The following CTSS variants were observed in gnomAD, a reference collection of about 807,000 sequenced individuals.
The protein encoded by CTSS is cathepsin S.
Under a neutral mutation model 39.9 loss-of-function variants are expected in CTSS, and 15 were observed. That is an observed-to-expected ratio of 0.38 (90% CI 0.25 to 0.58). The LOEUF is 0.58. Ranked by LOEUF, CTSS falls within the 20% of genes least tolerant of loss-of-function variation. The pLI is 0.70. For synonymous variants in CTSS, 126 were observed against 138.2 expected (o/e 0.91, Z 0.62); for missense variants, 250 against 398.2 (o/e 0.63, Z 3.17).
At chr1:150,734,577 C>G (rs906026802) in intron 7 of CTSS, among the ~76,000 whole-genome samples, 1 of 152,022 alleles carries the variant, frequency 6.6e-6, no homozygotes, top group African/African-American at 2.4e-5. Flanking sequence ...GGAGGCAAGG[C>G]AGAGGTTGCA....
At chr1:150,759,302 A>G (rs1653202872) in intron 2 of CTSS, among the ~76,000 whole-genome samples, 1 of 152,092 alleles carries the variant, frequency 6.6e-6, no homozygotes, top group Non-Finnish European at 1.5e-5. Flanking sequence ...AAAATTCTCA[A>G]TCAGTGTCTC....
Position 150,750,067 on chromosome 1 carries a change from A to T in CTSS, c.732T>A (p.Asn244Lys). The T allele has an allele frequency of 1.2e-6, 2 of 1,614,092 alleles. No individual in the cohort carries two copies. Among genetic ancestry groups the T allele is most frequent in the Non-Finnish European group, 1.7e-6 (2 of 1,179,960 alleles). The change falls in exon 6 of 8, where the codon AAT becomes AAA. Residue 244 changes from asparagine (N) to lysine (K), a missense_variant. Asn to Lys is a moderately conservative substitution (Grantham distance 94). Coordinates refer to ENST00000368985, the MANE Select transcript of CTSS (RefSeq NM_004079.5). ...REDVLKEAVA[N>K]KGPVSVGVDA... ...CTACACCAACAGACACTGGGCCTTTATTGGCCACAGCTTCTTTCAGGACAT... is the reference window on the plus strand; with the variant it reads ...CTACACCAACAGACACTGGGCCTTTTTTGGCCACAGCTTCTTTCAGGACAT...
At chr1:150,747,649 T>C (rs766276772) in intron 7 of CTSS, 128 bp downstream of exon 7, 2 of 663,884 alleles carry the variant, frequency 3.0e-6, no homozygotes, top group Non-Finnish European at 5.3e-6. Context: ...TGTCACTTTG[T>C]AAGAAGCTAT....
chr1:150,733,139 G>A lies in CTSS; in HGVS notation c.903C>T (p.Gly301=). The change falls in exon 8 of 8, where the codon GGC becomes GGT. Residue 301 remains glycine (G), a synonymous_variant. Transcript: ENST00000368985. ...KEYWLVKNSW[G]HNFGEEGYIR... Reference sequence around the variant, plus strand: ...TATATCCTTCTTCACCAAAGTTGTGGCCCCAGCTTTAGAAAAAGAAATAAT... The same window carrying A: ...TATATCCTTCTTCACCAAAGTTGTGACCCCAGCTTTAGAAAAAGAAATAAT... The A allele has an allele frequency of 6.2e-7, 1 of 1,609,394 alleles. No homozygotes were observed. Among genetic ancestry groups the A allele is most frequent in the Non-Finnish European group, 8.5e-7 (1 of 1,177,686 alleles).
chr1:150,759,378 T>C (rs2101925911), intron 2 of CTSS, among the ~76,000 whole-genome samples: 1 of 152,246 alleles, frequency 6.6e-6, no homozygotes, highest in Admixed American at 6.5e-5. Flanking sequence ...CCGAAGTATT[T>C]TGGAGCCTCA....
At chr1:150,745,386 C>T (rs936735420) in intron 7 of CTSS, among the ~76,000 whole-genome samples, 3 of 152,062 alleles carry the variant, frequency 2.0e-5, no homozygotes, top group African/African-American at 2.4e-5. Context: ...ATTGGCCAGG[C>T]GCAGTGGCTC....
chr1:150,738,460 C>A (rs932621941), intron 7 of CTSS, among the ~76,000 whole-genome samples: 2 of 151,616 alleles, frequency 1.3e-5, no homozygotes, highest in Non-Finnish European at 2.9e-5. Flanking sequence ...TCATTATTAG[C>A]AAATCTGTTA....
rs1406286086 is a variant in CTSS, at chr1:150,732,931, T to C, written c.*115A>G. On this transcript the variant is annotated 3_prime_UTR_variant, in exon 8 of 8. Transcript: ENST00000368985. ...GCCTCAAACTATATTTTCTAATTAG[T>C]ACAGTAAATACACATTAATCATGAC... 4 of 762,074 alleles carry C rather than the reference T, an allele frequency of 5.2e-6. No homozygotes were observed. The African/African-American group carries it at 5.3e-5, about 10-fold the overall frequency. The allele number at this position is 762,074 out of a possible 1,614,324, so 47.2% of individuals were successfully genotyped here. A position where few individuals can be genotyped will look rare whatever the true frequency, so the allele number is the denominator to read the frequency against.
chr1:150,753,127 T>G (rs1433290107), intron 4 of CTSS, among the ~76,000 whole-genome samples: 1 of 152,192 alleles, frequency 6.6e-6, no homozygotes, highest in East Asian at 1.9e-4. Flanking sequence ...AGTGCTGGAA[T>G]CACAGATGTG....
intron 7 of CTSS, among the ~76,000 whole-genome samples, chr1:150,746,696 G>C (rs932884118): frequency 6.6e-6 from 1 of 152,174 alleles, no homozygotes; most frequent in Non-Finnish European, 1.5e-5. Flanking sequence ...AAGACAGGAT[G>C]TTCTAGGCAG....
intron 7 of CTSS, 66 bp downstream of exon 7, chr1:150,747,711 G>T: frequency 1.0e-6 from 1 of 971,760 alleles, no homozygotes; most frequent in East Asian, 2.4e-5. Flanking sequence ...TCAAAATCAT[G>T]AGAGTATTTG....
At chr1:150,741,377 GTTA>G (rs1474644539) in intron 7 of CTSS, among the ~76,000 whole-genome samples, 1 of 151,894 alleles carries the variant, frequency 6.6e-6, no homozygotes, top group African/African-American at 2.4e-5. Context: ...ATTTTATTAG[GTTA>G]TTAATAATAG....
chr1:150,761,022 C>G (rs1487568242), intron 2 of CTSS, among the ~76,000 whole-genome samples: 1 of 150,364 alleles, frequency 6.7e-6, no homozygotes, highest in African/African-American at 2.4e-5. Flanking sequence ...CTACTAAAAA[C>G]ACAAAAATTA....
At position 150,732,348 on chromosome 1, in the gene CTSS, T is replaced by G. The variant is rs921350280; in HGVS notation, c.*698A>C. On this transcript the variant is annotated 3_prime_UTR_variant, in exon 8 of 8. Transcript: ENST00000368985. ...ATTCTCAGGATAGATTATTAATAGT[T>G]GCCTAGGAATAAGAATGGTATGTGG... The G allele has an allele frequency of 6.6e-6, 1 of 152,200 alleles. No homozygotes were observed. The highest frequency in any genetic ancestry group is 1.5e-5 in the Non-Finnish European group (1 of 68,048). The allele number at this position is 152,200 out of a possible 1,614,324, so 9.4% of individuals were successfully genotyped here. A position where few individuals can be genotyped will look rare whatever the true frequency, so the allele number is the denominator to read the frequency against.
Position 150,730,893 on chromosome 1 carries a change from CAAACTT to C in CTSS, c.*2147_*2152del, listed in dbSNP as rs1447580126. 4.8e-5 allele frequency: 3 copies of C among 62,782 alleles called. No individual in the cohort carries two copies. The highest frequency in any genetic ancestry group is 9.5e-4 in the South Asian group (1 of 1,056). The allele number at this position is 62,782 out of a possible 1,614,324, so 3.9% of individuals were successfully genotyped here. A position where few individuals can be genotyped will look rare whatever the true frequency, so the allele number is the denominator to read the frequency against. On this transcript the variant is annotated 3_prime_UTR_variant, in exon 8 of 8. Coordinates refer to ENST00000368985, the MANE Select transcript of CTSS (RefSeq NM_004079.5). ...AAGAAGCATGCATATTAATATATAA[CAAACTT>C]ATCTTTTAACATTTTAATAACTGTA... is the stretch of plus-strand genomic sequence containing the variant.
intron 3 of CTSS, among the ~76,000 whole-genome samples, chr1:150,755,839 G>A (rs961600460): frequency 6.6e-6 from 1 of 152,096 alleles, no homozygotes; most frequent in African/African-American, 2.4e-5. Context: ...AGTGGAGAGT[G>A]AATGTGAAGG....
At chr1:150,741,267 G>C (rs1349144433) in intron 7 of CTSS, among the ~76,000 whole-genome samples, 1 of 152,100 alleles carries the variant, frequency 6.6e-6, no homozygotes, top group African/African-American at 2.4e-5. Context: ...CAAAGCTCTA[G>C]AGTTATAAGC....
At chr1:150,754,505 G>A (rs1182100475) in intron 4 of CTSS, among the ~76,000 whole-genome samples, 1 of 147,550 alleles carries the variant, frequency 6.8e-6, no homozygotes, top group African/African-American at 2.5e-5. Flanking sequence ...TCAGCTCACT[G>A]CAACCTCTGC....
At position 150,730,395 on chromosome 1, in the gene CTSS, G is replaced by C. The variant is rs919815981; in HGVS notation, c.*2651C>G. 1 of 152,164 alleles carries C rather than the reference G, an allele frequency of 6.6e-6. No homozygotes were observed. Among genetic ancestry groups the C allele is most frequent in the Non-Finnish European group, 1.5e-5 (1 of 68,036 alleles). The allele number at this position is 152,164 out of a possible 1,614,324, so 9.4% of individuals were successfully genotyped here. On this transcript the variant is annotated 3_prime_UTR_variant, in exon 8 of 8. Coordinates refer to ENST00000368985, the MANE Select transcript of CTSS (RefSeq NM_004079.5). ...CTGGGGGAAACTGAGAGGCCTGTTTGTTTAGATTCCTCTTTGTGTCCCTGT... is the reference window on the plus strand; with the variant it reads ...CTGGGGGAAACTGAGAGGCCTGTTTCTTTAGATTCCTCTTTGTGTCCCTGT...
Sources: gnomAD v4.1 joint callset for allele counts (sites outside exome capture counted in the v4.1 genomes callset) on GRCh38, gnomAD v4.1.1 for gene constraint, MANE v1.5 for transcripts, NCBI Gene and HGNC (gene_info 2026-07-23, HGNC 2026-07-21) for gene names.